The following ANKRD13C variants were observed in gnomAD, a reference collection of about 807,000 sequenced individuals.
ANKRD13C encodes ankyrin repeat domain 13C.
In ANKRD13C, 16 loss-of-function variants were observed where a neutral mutation model predicts 65.5. The observed-to-expected ratio is 0.24, with a 90% CI of 0.17 to 0.37. The LOEUF (loss-of-function observed/expected upper bound fraction) is 0.37, where lower values mean the gene tolerates loss of function less well. Among genes scored for constraint, ANKRD13C ranks in the 10% least tolerant of loss-of-function variants. The pLI is 1.00. For synonymous variants in ANKRD13C, 235 were observed against 238.7 expected (o/e 0.98, Z 0.14); for missense variants, 503 against 655.9 (o/e 0.77, Z 2.55).
chr1:70,281,736 G>A (rs1679401215), intron 9 of ANKRD13C, among the ~76,000 whole-genome samples: 1 of 151,494 alleles, frequency 6.6e-6, no homozygotes, highest in East Asian at 2.0e-4. Context: ...TGAGCAGAGT[G>A]ATGTGTACAA....
intron 12 of ANKRD13C, among the ~76,000 whole-genome samples, chr1:70,268,504 A>G (rs269273): frequency 0.22 from 33,621 of 152,172 alleles, 4,095 homozygotes; most frequent in Non-Finnish European, 0.28. Flanking sequence ...GAATAGATCC[A>G]TAATACAAAT....
intron 1 of ANKRD13C, among the ~76,000 whole-genome samples, chr1:70,349,183 T>C (rs959136862): frequency 6.6e-6 from 1 of 152,210 alleles, no homozygotes; most frequent in Admixed American, 6.5e-5. Flanking sequence ...CATGATCCTT[T>C]GCCAAACTAT....
intron 4 of ANKRD13C, among the ~76,000 whole-genome samples, chr1:70,314,070 G>C (rs1240332010): frequency 6.6e-6 from 1 of 151,650 alleles, no homozygotes; most frequent in African/African-American, 2.4e-5. Flanking sequence ...CTTTAGAAGT[G>C]TTATTAAAAA....
At chr1:70,339,038 T>A (rs534061300) in intron 1 of ANKRD13C, among the ~76,000 whole-genome samples, 10 of 152,152 alleles carry the variant, frequency 6.6e-5, no homozygotes, top group African/African-American at 2.2e-4. Context: ...CTGGCCAACA[T>A]GGCAAAACCC....
intron 6 of ANKRD13C, among the ~76,000 whole-genome samples, chr1:70,302,393 T>C (rs1220822783): frequency 6.6e-6 from 1 of 152,136 alleles, no homozygotes; most frequent in Non-Finnish European, 1.5e-5. Flanking sequence ...AGCTTTACTA[T>C]TAAATAACAC....
intron 1 of ANKRD13C, 53 bp downstream of exon 1, chr1:70,353,926 C>A: frequency 3.4e-6 from 5 of 1,454,552 alleles, no homozygotes; most frequent in Non-Finnish European, 4.5e-6. Context: ...CCTGGGGAGG[C>A]ACACCCTAGG....
At chr1:70,303,346 T>G (rs1437834619) in intron 6 of ANKRD13C, among the ~76,000 whole-genome samples, 1 of 152,120 alleles carries the variant, frequency 6.6e-6, no homozygotes, top group Non-Finnish European at 1.5e-5. Flanking sequence ...TAATTAGCCA[T>G]GAAGAACAAT....
At chr1:70,329,783 C>T (rs906305876) in intron 2 of ANKRD13C, among the ~76,000 whole-genome samples, 1 of 151,626 alleles carries the variant, frequency 6.6e-6, no homozygotes, top group African/African-American at 2.4e-5. Context: ...ATGACATAGT[C>T]TTATAATTTA....
intron 5 of ANKRD13C, among the ~76,000 whole-genome samples, chr1:70,308,034 T>A (rs1180738881): frequency 6.6e-6 from 1 of 152,204 alleles, no homozygotes; most frequent in African/African-American, 2.4e-5. Context: ...CTATAAATGA[T>A]CAAAGTTCTT....
At chr1:70,293,957 G>T (rs1206010074) in intron 8 of ANKRD13C, among the ~76,000 whole-genome samples, 1 of 152,140 alleles carries the variant, frequency 6.6e-6, no homozygotes, top group Non-Finnish European at 1.5e-5. Context: ...CATTTATAAT[G>T]GCAGAAAACT....
chr1:70,307,901 ATCATGC>A (rs1680652765), intron 5 of ANKRD13C, among the ~76,000 whole-genome samples: 1 of 152,200 alleles, frequency 6.6e-6, no homozygotes, highest in Admixed American at 6.5e-5. Context: ...GTGGGCTATG[ATCATGC>A]CACTGCACTC....
Position 70,296,189 on chromosome 1 carries a change from T to C in ANKRD13C, c.994A>G (p.Thr332Ala), listed in dbSNP as rs145127266. The C allele has an allele frequency of 1.2e-5, 20 of 1,613,932 alleles. No individual in the cohort carries two copies. Among genetic ancestry groups the C allele is most frequent in the African/African-American group, 2.7e-5 (2 of 74,932 alleles). Residue 332 changes from threonine (T) to alanine (A), a missense_variant, in exon 8 of 13, where the codon ACA becomes GCA. Coordinates refer to ENST00000370944, the MANE Select transcript of ANKRD13C (RefSeq NM_030816.5). Reference protein sequence around the residue: ...SSDIYSATLSTKSISFTRAQT... With the variant: ...SSDIYSATLSAKSISFTRAQT... ...GCACGCGTGAAAGAAATTGATTTTG[T>C]TGATAAAGTTGCAGAGTAAATATCA...
intron 2 of ANKRD13C, among the ~76,000 whole-genome samples, chr1:70,329,380 G>T (rs537429631): frequency 5.3e-4 from 80 of 152,204 alleles, no homozygotes; most frequent in Admixed American, 1.0e-3. Flanking sequence ...AATTAGCTGG[G>T]CATGGTGGCC....
chr1:70,339,830 ATTAT>A (rs1247442054), intron 1 of ANKRD13C, among the ~76,000 whole-genome samples: 5 of 104,438 alleles, frequency 4.8e-5, no homozygotes, highest in African/African-American at 1.7e-4. Context: ...TATTATTATT[ATTAT>A]TATTATTATT....
intron 6 of ANKRD13C, among the ~76,000 whole-genome samples, chr1:70,302,665 G>T (rs1019639037): frequency 3.2e-5 from 3 of 94,072 alleles, no homozygotes; most frequent in African/African-American, 1.4e-4. Context: ...GGCGGAGCTT[G>T]CAGTGAGCCG....
intron 9 of ANKRD13C, among the ~76,000 whole-genome samples, chr1:70,290,471 A>G (rs189470747): frequency 2.0e-3 from 308 of 152,046 alleles, no homozygotes; most frequent in African/African-American, 6.9e-3. Flanking sequence ...AACACACACA[A>G]TCTTGAAACT....
intron 12 of ANKRD13C, among the ~76,000 whole-genome samples, chr1:70,268,471 G>C (rs145201370): frequency 6.6e-6 from 1 of 152,292 alleles, no homozygotes; most frequent in East Asian, 1.9e-4. Context: ...GATACAGCTA[G>C]CTTTTAAAAA....
At chr1:70,279,319 A>T (rs1015217972) in intron 9 of ANKRD13C, among the ~76,000 whole-genome samples, 4 of 152,094 alleles carry the variant, frequency 2.6e-5, no homozygotes, top group African/African-American at 9.7e-5. Context: ...TTCACTGGAG[A>T]TAACTCTATA....
intron 1 of ANKRD13C, among the ~76,000 whole-genome samples, chr1:70,350,643 A>T (rs1682707795): frequency 6.6e-6 from 1 of 152,252 alleles, no homozygotes; most frequent in Non-Finnish European, 1.5e-5. Context: ...TATTTAAAAA[A>T]TACATTAAAG....
Sources: allele counts gnomAD v4.1 joint callset (sites outside exome capture counted in the v4.1 genomes callset), GRCh38; gene constraint gnomAD v4.1.1; transcripts MANE v1.5; gene names NCBI Gene and HGNC (gene_info 2026-07-23, HGNC 2026-07-21).